AHCYL1: variants seen among roughly 807,000 people sequenced by gnomAD.
AHCYL1 encodes the protein S-adenosylhomocysteine hydrolase-like protein 1.
A neutral mutation model predicts 79.3 loss-of-function variants in AHCYL1; 20 were observed. That is an observed-to-expected ratio of 0.25 (90% CI 0.18 to 0.37). The LOEUF is 0.37. Ranked by LOEUF, AHCYL1 falls within the 10% of genes least tolerant of loss-of-function variation. AHCYL1 has a pLI of 1.00. For missense variants in AHCYL1, 330 were observed against 673.6 expected, an observed-to-expected ratio of 0.49 and a Z score of 5.65; for synonymous variants, 223 against 242.2, an observed-to-expected ratio of 0.92 and a Z score of 0.74.
intron 1 of AHCYL1, among the ~76,000 whole-genome samples, chr1:109,997,054 A>G (rs1650069884): frequency 6.6e-6 from 1 of 152,250 alleles, no homozygotes; most frequent in Non-Finnish European, 1.5e-5. Flanking sequence ...CACTAGAAAA[A>G]GAGGGAATGG....
intron 1 of AHCYL1, among the ~76,000 whole-genome samples, chr1:109,986,089 C>T (rs1211379852): frequency 6.6e-6 from 1 of 152,316 alleles, no homozygotes; most frequent in Non-Finnish European, 1.5e-5. Flanking sequence ...TTTCCATACA[C>T]CTGGCACCCA....
At chr1:110,011,378 A>G (rs769692936) in intron 3 of AHCYL1, 21 bp downstream of exon 3, 7 of 1,611,870 alleles carry the variant, frequency 4.3e-6, no homozygotes, top group East Asian at 2.2e-5. Context: ...GGAGTGGGTT[A>G]GGGGACCAGA....
At chr1:110,010,463 T>C (rs1005637860) in intron 2 of AHCYL1, among the ~76,000 whole-genome samples, 3 of 152,210 alleles carry the variant, frequency 2.0e-5, no homozygotes, top group Non-Finnish European at 4.4e-5. Context: ...GTCAGATAAG[T>C]GGTATTTTTA....
Position 109,996,319 on chromosome 1 carries a change from G to A in AHCYL1, c.120+11147G>A, listed in dbSNP as rs76739027. The stretch of plus-strand genomic sequence containing the variant: ...TGAAAGGTCCTGAAAATAGTCTACC[G>A]TTGCTCTTTTTCTCAATGTATTCAG... On this transcript the variant is annotated intron_variant, in intron 1 of 16. Transcript: ENST00000369799. Among the ~76,000 whole-genome samples, 1,360 of 152,286 alleles carry A rather than the reference G, an allele frequency of 8.9e-3. 26 individuals are homozygous for A. The highest frequency in any genetic ancestry group is 0.031 in the African/African-American group (1,288 of 41,542).
chr1:109,985,252 G>A (rs1649404896), intron 1 of AHCYL1, 80 bp downstream of exon 1: 3 of 1,517,650 alleles, frequency 2.0e-6, no homozygotes, highest in African/African-American at 2.8e-5. Flanking sequence ...GCTCTGGCTA[G>A]TTTGGGACTT....
Position 110,016,468 on chromosome 1 carries a change from G to A in AHCYL1, c.899+8G>A. The A allele has an allele frequency of 6.2e-7, 1 of 1,609,652 alleles. No individual in the cohort carries two copies. ...AGAATCCATTTTGGATGGGTAGGTT[G>A]AATGTATATATATTCAAACTTCTAG... On this transcript the variant is annotated splice_region_variant and intron_variant, in intron 8 of 16. Transcript: ENST00000369799.
chr1:110,011,733 G>A (rs1321650534), intron 3 of AHCYL1, among the ~76,000 whole-genome samples: 1 of 152,220 alleles, frequency 6.6e-6, no homozygotes, highest in Non-Finnish European at 1.5e-5. Flanking sequence ...AGCAGCTGAT[G>A]AGGAAGGGTT....
At chr1:110,019,146 T>C in intron 14 of AHCYL1, 27 bp downstream of exon 14, 1 of 1,605,048 alleles carries the variant, frequency 6.2e-7, no homozygotes, top group African/African-American at 1.3e-5. Flanking sequence ...CTGCTTACAC[T>C]GCACTGCAAT....
chr1:110,009,904 T>C (rs1467071043), intron 2 of AHCYL1, among the ~76,000 whole-genome samples: 4 of 152,210 alleles, frequency 2.6e-5, no homozygotes, highest in Admixed American at 6.5e-5. Flanking sequence ...TGAAGACTCA[T>C]TGTTAAAAGA....
Position 110,022,806 on chromosome 1 carries a change from T to C in AHCYL1, c.*1126T>C, listed in dbSNP as rs529521948. 5 of 152,570 alleles carry C rather than the reference T, an allele frequency of 3.3e-5. No homozygotes were observed. The East Asian group carries it at 9.6e-4, about 29-fold the overall frequency. The allele number at this position is 152,570 out of a possible 1,614,324, so 9.5% of individuals were successfully genotyped here. The stretch of plus-strand genomic sequence containing the variant: ...AAGAAAAATCTAGCTTCATATAATT[T>C]GTCTGGGACTATACACCCTATATAA... On this transcript the variant is annotated 3_prime_UTR_variant, in exon 17 of 17. Coordinates refer to ENST00000369799, the MANE Select transcript of AHCYL1 (RefSeq NM_006621.7).
chr1:109,994,511 A>T (rs1191074420), intron 1 of AHCYL1, among the ~76,000 whole-genome samples: 1 of 151,904 alleles, frequency 6.6e-6, no homozygotes, highest in East Asian at 1.9e-4. Context: ...GTGGTCTCGA[A>T]CTCCTGACCT....
At position 109,985,020 on chromosome 1, in the gene AHCYL1, G is replaced by A; in HGVS notation, c.-33G>A. 6.7e-7 allele frequency: 1 copy of A among 1,502,986 alleles called. No individual in the cohort carries two copies. Among genetic ancestry groups the A allele is most frequent in the Non-Finnish European group, 8.9e-7 (1 of 1,124,240 alleles). 93.1% of individuals were successfully genotyped at this position (1,502,986 alleles called of 1,614,324 possible). A position where few individuals can be genotyped will look rare whatever the true frequency, so the allele number is the denominator to read the frequency against. ...GCCAGAGGGGGAAAGAGGCGGGGGC[G>A]GCGGGTCAGCCGCTGGCCGGGCCGG... On this transcript the variant is annotated 5_prime_UTR_variant, in exon 1 of 17. Transcript: ENST00000369799.
intron 4 of AHCYL1, 38 bp downstream of exon 4, chr1:110,012,500 G>A (rs535667772): frequency 6.6e-7 from 1 of 1,512,064 alleles, no homozygotes; most frequent in Non-Finnish European, 8.9e-7. Flanking sequence ...TTCTGATAAG[G>A]GGAAGAAAGA....
intron 10 of AHCYL1, 130 bp downstream of exon 10, chr1:110,017,713 C>A: frequency 9.3e-7 from 1 of 1,070,988 alleles, no homozygotes; most frequent in Non-Finnish European, 1.4e-6. Flanking sequence ...CTGCTCTGTT[C>A]TTCTCACTCT....
chr1:110,013,658 C>T (rs1230025655), intron 5 of AHCYL1, among the ~76,000 whole-genome samples: 1 of 151,628 alleles, frequency 6.6e-6, no homozygotes, highest in Non-Finnish European at 1.5e-5. Context: ...TGCAGTGAGC[C>T]GAGATCATGC....
intron 1 of AHCYL1, among the ~76,000 whole-genome samples, chr1:109,993,970 A>G (rs1396602628): frequency 6.6e-6 from 1 of 152,234 alleles, no homozygotes; most frequent in South Asian, 2.1e-4. Context: ...AGTAATAAAC[A>G]ACAGCTCCGT....
intron 1 of AHCYL1, chr1:109,985,585 G>A: frequency 1.0e-6 from 1 of 984,862 alleles, no homozygotes; most frequent in Non-Finnish European, 1.2e-6. Context: ...AAATCTTTGG[G>A]AGCAGTGGCC....
At chr1:110,017,345 G>T in intron 9 of AHCYL1, 150 bp from the exon 10 acceptor site, 1 of 642,284 alleles carries the variant, frequency 1.6e-6, no homozygotes, top group Non-Finnish European at 2.7e-6. Flanking sequence ...GTCTGTTTCT[G>T]TTCTGCTTGG....
In AHCYL1 at chr1:110,016,332, T is replaced by G. The variant is rs761529477; in HGVS notation, c.783-12T>G. ...GGTTTTTGTTTGTTTTTGTGACCTC[T>G]TCTCTCTTTAGGCTGTATCAGCTCT... is the stretch of plus-strand genomic sequence containing the variant. On this transcript the variant is annotated splice_polypyrimidine_tract_variant and intron_variant, in intron 7 of 16. Transcript: ENST00000369799. The G allele has an allele frequency of 1.3e-6, 2 of 1,593,106 alleles. No homozygotes were observed. Among genetic ancestry groups the G allele is most frequent in the South Asian group, 2.3e-5 (2 of 87,342 alleles).
Sources: allele counts gnomAD v4.1 joint callset (sites outside exome capture counted in the v4.1 genomes callset), GRCh38; gene constraint gnomAD v4.1.1; transcripts MANE v1.5; gene names NCBI Gene and HGNC (gene_info 2026-07-23, HGNC 2026-07-21).